DLGAP1: variants seen among roughly 807,000 people sequenced by gnomAD.
The protein encoded by DLGAP1 is DLG associated protein 1.
DLGAP1 carries 11 observed loss-of-function variants against 90.8 expected under a neutral mutation model. The observed-to-expected ratio is 0.12, with a 90% CI of 0.08 to 0.20. The LOEUF (loss-of-function observed/expected upper bound fraction) is 0.20, where lower values mean the gene tolerates loss of function less well. Ranked by LOEUF, DLGAP1 falls within the 10% of genes least tolerant of loss-of-function variation. DLGAP1 has a pLI of 1.00. For synonymous variants in DLGAP1, 558 were observed against 540.7 expected (o/e 1.03, Z -0.44); for missense variants, 1,050 against 1,333.8 (o/e 0.79, Z 3.31).
At chr18:3,686,725 G>A (rs1248046823) in intron 7 of DLGAP1, among the ~76,000 whole-genome samples, 1 of 152,190 alleles carries the variant, frequency 6.6e-6, no homozygotes, top group Non-Finnish European at 1.5e-5. Flanking sequence ...TGCCCTCCAA[G>A]AGTGAGTAGG....
chr18:4,225,128 T>G (rs959711477), intron 1 of DLGAP1, among the ~76,000 whole-genome samples: 1 of 152,108 alleles, frequency 6.6e-6, no homozygotes, highest in African/African-American at 2.4e-5. Context: ...CCAAGAACCA[T>G]GAAGGTAGCA....
chr18:3,529,455 A>G (rs1460496790), intron 10 of DLGAP1, among the ~76,000 whole-genome samples: 1 of 152,318 alleles, frequency 6.6e-6, no homozygotes, highest in East Asian at 1.9e-4. Flanking sequence ...GGACTGAGGT[A>G]TTACTTATTG....
chr18:3,659,445 A>ACCC (rs61527537), intron 7 of DLGAP1, among the ~76,000 whole-genome samples: 3,650 of 104,872 alleles, frequency 0.035, 280 homozygotes, highest in African/African-American at 0.11. Context: ...GGATGCTACC[A>ACCC]CCCCCCGCCG....
At chr18:3,794,061 A>C (rs1388930873) in intron 5 of DLGAP1, among the ~76,000 whole-genome samples, 3 of 152,150 alleles carry the variant, frequency 2.0e-5, no homozygotes, top group East Asian at 1.9e-4. Flanking sequence ...CAGCTGAACA[A>C]ATGAACCCAT....
At chr18:3,571,036 C>T (rs1013333988) in intron 8 of DLGAP1, among the ~76,000 whole-genome samples, 1 of 151,750 alleles carries the variant, frequency 6.6e-6, no homozygotes, top group Non-Finnish European at 1.5e-5. Context: ...AATTGTCAAG[C>T]TCGTCCTGTT....
intron 1 of DLGAP1, among the ~76,000 whole-genome samples, chr18:4,423,176 T>C (rs532642250): frequency 1.4e-4 from 22 of 152,290 alleles, no homozygotes; most frequent in African/African-American, 5.3e-4. Flanking sequence ...CCCAAAGCAA[T>C]AAATATTCAG....
At chr18:4,197,761 C>T (rs1248816615) in intron 1 of DLGAP1, among the ~76,000 whole-genome samples, 1 of 152,094 alleles carries the variant, frequency 6.6e-6, no homozygotes, top group Admixed American at 6.5e-5. Context: ...CTTTAGGAAT[C>T]ATTTATCTGC....
intron 3 of DLGAP1, among the ~76,000 whole-genome samples, chr18:4,002,573 AT>A (rs2074215632): frequency 6.6e-6 from 1 of 152,242 alleles, no homozygotes; most frequent in African/African-American, 2.4e-5. Flanking sequence ...AGCTTACTTT[AT>A]GGTAAGAATA....
chr18:4,175,982 A>G (rs1405872785), intron 1 of DLGAP1, among the ~76,000 whole-genome samples: 1 of 152,158 alleles, frequency 6.6e-6, no homozygotes, highest in Non-Finnish European at 1.5e-5. Context: ...TGGTAGGTTG[A>G]TTGTAATAGT....
At chr18:4,148,413 A>G (rs1279141651) in intron 2 of DLGAP1, among the ~76,000 whole-genome samples, 1 of 152,238 alleles carries the variant, frequency 6.6e-6, no homozygotes, top group African/African-American at 2.4e-5. Context: ...TTTCTGAGCA[A>G]AAAGCAGACA....
intron 4 of DLGAP1, among the ~76,000 whole-genome samples, chr18:3,854,905 G>A (rs12326216): frequency 0.072 from 10,979 of 152,178 alleles, 1,033 homozygotes; most frequent in African/African-American, 0.21. Flanking sequence ...TAATATTCAC[G>A]CTATGACACC....
chr18:4,107,022 T>C (rs1441897424), intron 2 of DLGAP1, among the ~76,000 whole-genome samples: 1 of 152,224 alleles, frequency 6.6e-6, no homozygotes, highest in Non-Finnish European at 1.5e-5. Flanking sequence ...TAAAATGCAC[T>C]AGATTTACTT....
chr18:4,177,012 C>A (rs1490170428), intron 1 of DLGAP1, among the ~76,000 whole-genome samples: 1 of 152,136 alleles, frequency 6.6e-6, no homozygotes, highest in African/African-American at 2.4e-5. Context: ...GGTGCTGCCC[C>A]AGGTCAGCAG....
At chr18:4,065,456 T>C (rs576750775) in intron 2 of DLGAP1, among the ~76,000 whole-genome samples, 229 of 152,254 alleles carry the variant, frequency 1.5e-3, no homozygotes, top group African/African-American at 4.1e-3. Flanking sequence ...CTTAAGCTGC[T>C]AAACAACTTC....
rs2083909411 is a variant in DLGAP1, at chr18:4,454,209, G to A, written c.-267+797C>T. Among the ~76,000 whole-genome samples, 1 of 152,232 alleles carries A rather than the reference G, an allele frequency of 6.6e-6. No homozygotes were observed. Among genetic ancestry groups the A allele is most frequent in the South Asian group, 2.1e-4 (1 of 4,834 alleles). On this transcript the variant is annotated intron_variant, in intron 1 of 12. Coordinates refer to ENST00000315677, the MANE Select transcript of DLGAP1 (RefSeq NM_004746.4). This position sits in a 1 kb window ranked among gnomAD's most constrained non-coding sequence, Gnocchi z 4.7. ...CCCTCCGAAGGTGCCTCTCCCAGCT[G>A]CAGCCGCCCCTCAATGAAAGTGCAA... is the stretch of plus-strand genomic sequence containing the variant.
At chr18:3,949,119 T>A (rs1044866291) in intron 3 of DLGAP1, among the ~76,000 whole-genome samples, 1 of 152,114 alleles carries the variant, frequency 6.6e-6, no homozygotes, top group African/African-American at 2.4e-5. Flanking sequence ...TGGACCTTCA[T>A]ACATGATATC....
chr18:4,001,746 G>A (rs946411701), intron 3 of DLGAP1, among the ~76,000 whole-genome samples: 2 of 152,080 alleles, frequency 1.3e-5, no homozygotes, highest in Non-Finnish European at 2.9e-5. Flanking sequence ...TTTTGCTGTG[G>A]AGGAGATGGC....
chr18:3,580,170 G>A lies in DLGAP1; in HGVS notation c.1965+1705C>T. 13 of 1,385,716 alleles carry A rather than the reference G, an allele frequency of 9.4e-6. No homozygotes were observed. The South Asian group carries it at 1.5e-4, about 16-fold the overall frequency. The allele number at this position is 1,385,716 out of a possible 1,614,324, so 85.8% of individuals were successfully genotyped here. A position where few individuals can be genotyped will look rare whatever the true frequency, so the allele number is the denominator to read the frequency against. On this transcript the variant is annotated intron_variant, in intron 8 of 12. Coordinates refer to ENST00000315677, the MANE Select transcript of DLGAP1 (RefSeq NM_004746.4). ...AATGTCTACAAAGAAAATACTTTCA[G>A]AAACCCTGATTTGAGCCAGACGTCC...
rs572895734 is a variant in DLGAP1 at position 3,717,695 on chromosome 18, T to A, written c.1591+11440A>T. Among the ~76,000 whole-genome samples the A allele has an allele frequency of 2.6e-5, 4 of 152,316 alleles. No individual in the cohort carries two copies. In the South Asian group the frequency reaches 6.2e-4, roughly 24 times the overall value. On this transcript the variant is annotated intron_variant, in intron 7 of 12. Transcript: ENST00000315677. ...AGAGTCATCCCAGAAAGCTACAGCG[T>A]TCACTGGAGCAGCAAATTTCCAGAG...
Sources: gnomAD v4.1 joint callset for allele counts (sites outside exome capture counted in the v4.1 genomes callset) on GRCh38, gnomAD v4.1.1 for gene constraint, Gnocchi (gnomAD v3.1) non-coding constraint, MANE v1.5 for transcripts, NCBI Gene and HGNC (gene_info 2026-07-23, HGNC 2026-07-21) for gene names.